Variants in DCC observed in about 807,000 individuals in gnomAD.
The protein encoded by DCC is netrin receptor DCC.
Under a neutral mutation model 172.5 loss-of-function variants are expected in DCC, and 58 were observed. That is an observed-to-expected ratio of 0.34 (90% confidence interval 0.27 to 0.42). The LOEUF is 0.42. DCC is among the 10% of genes least tolerant of loss of function. The pLI is 1.00. For missense variants in DCC, 1,740 were observed against 1,791.0 expected, an observed-to-expected ratio of 0.97 and a Z score of 0.51; for synonymous variants, 709 against 644.5, an observed-to-expected ratio of 1.10 and a Z score of -1.52.
intron 15 of DCC, among the ~76,000 whole-genome samples, chr18:53,351,443 G>A (rs868640659): frequency 8.2e-4 from 26 of 31,872 alleles, no homozygotes; most frequent in South Asian, 9.2e-4. Flanking sequence ...TATATACAGT[G>A]TATATATATA....
At chr18:52,522,642 T>A (rs1351527926) in intron 1 of DCC, among the ~76,000 whole-genome samples, 1 of 152,210 alleles carries the variant, frequency 6.6e-6, no homozygotes, top group Non-Finnish European at 1.5e-5. Context: ...TATCATTGCA[T>A]TGTAATTTTA....
At chr18:52,615,484 C>A (rs2034362638) in intron 1 of DCC, among the ~76,000 whole-genome samples, 1 of 152,144 alleles carries the variant, frequency 6.6e-6, no homozygotes, top group Non-Finnish European at 1.5e-5. Flanking sequence ...TGGCTTTAGG[C>A]AGAACTGATC....
At chr18:53,049,751 G>T (rs1568270310) in intron 5 of DCC, among the ~76,000 whole-genome samples, 1 of 151,998 alleles carries the variant, frequency 6.6e-6, no homozygotes. Context: ...TAGTTTGATA[G>T]AAATAGCATT....
intron 7 of DCC, among the ~76,000 whole-genome samples, chr18:53,072,373 G>A (rs1462358261): frequency 6.6e-6 from 1 of 152,120 alleles, no homozygotes; most frequent in Non-Finnish European, 1.5e-5. Context: ...GCAGGAGATG[G>A]GGAGCAAGGC....
rs2145032217 is a variant in DCC, at chr18:52,700,114, C to G, written c.92-51940C>G. Among the ~76,000 whole-genome samples, 2 of 85,244 alleles carry G rather than the reference C, an allele frequency of 2.3e-5. 1 individual carries two copies. The highest frequency in any genetic ancestry group is 2.1e-4 in the Admixed American group (2 of 9,744). 55.9% of individuals were successfully genotyped at this position (85,244 alleles called of 152,430 possible). ...AAGTTACCATTTTGGAAAATCTCTG[C>G]TCTCTCGTTTGCGCTCTCTCGCTCT... is the stretch of plus-strand genomic sequence containing the variant. On this transcript the variant is annotated intron_variant, in intron 1 of 28. Transcript: ENST00000442544.
intron 17 of DCC, among the ~76,000 whole-genome samples, chr18:53,394,233 T>C (rs1908767824): frequency 1.3e-5 from 2 of 152,148 alleles, no homozygotes; most frequent in African/African-American, 4.8e-5. Flanking sequence ...TTCTCATCTA[T>C]ATGATGGAAA....
At chr18:53,098,433 T>A (rs961117884) in intron 7 of DCC, among the ~76,000 whole-genome samples, 1 of 152,192 alleles carries the variant, frequency 6.6e-6, no homozygotes, top group Non-Finnish European at 1.5e-5. Context: ...CTTTTTCCAT[T>A]TTTCTTTGAC....
chr18:53,279,862 C>T (rs1171983778), intron 12 of DCC, among the ~76,000 whole-genome samples: 3 of 152,020 alleles, frequency 2.0e-5, no homozygotes, highest in Non-Finnish European at 2.9e-5. Flanking sequence ...TATATCCTCA[C>T]TTTGAAAGGT....
chr18:52,493,435 T>C (rs942774591), intron 1 of DCC, among the ~76,000 whole-genome samples: 2 of 152,120 alleles, frequency 1.3e-5, no homozygotes, highest in Non-Finnish European at 1.5e-5. Flanking sequence ...GATTGGCTTA[T>C]ATTCCTGGAA....
intron 1 of DCC, among the ~76,000 whole-genome samples, chr18:52,366,131 T>C (rs1984839800): frequency 6.6e-6 from 1 of 152,210 alleles, no homozygotes; most frequent in South Asian, 2.1e-4. Context: ...ATGTGCTTAA[T>C]CTGTTTATGC....
chr18:52,975,136 A>C (rs1194688480), intron 5 of DCC, among the ~76,000 whole-genome samples: 1 of 152,196 alleles, frequency 6.6e-6, no homozygotes, highest in Non-Finnish European at 1.5e-5. Flanking sequence ...ACAATAGAAC[A>C]TCACAAACTA....
intron 5 of DCC, among the ~76,000 whole-genome samples, chr18:52,943,181 C>T (rs146617595): frequency 6.6e-6 from 1 of 152,276 alleles, no homozygotes; most frequent in East Asian, 1.9e-4. Context: ...AAGCAATTAA[C>T]TTTAGACTGA....
chr18:52,851,799 G>T (rs986015300), intron 2 of DCC, among the ~76,000 whole-genome samples: 3 of 152,088 alleles, frequency 2.0e-5, no homozygotes, highest in Admixed American at 1.3e-4. Flanking sequence ...GATATTGAAA[G>T]AAATGTAAAT....
At chr18:53,157,990 A>G (rs1241567073) in intron 8 of DCC, among the ~76,000 whole-genome samples, 1 of 152,190 alleles carries the variant, frequency 6.6e-6, no homozygotes, top group African/African-American at 2.4e-5. Flanking sequence ...GATTGTTTGT[A>G]ATGCAAAAGA....
intron 8 of DCC, among the ~76,000 whole-genome samples, chr18:53,167,775 C>G (rs537640236): frequency 1.3e-5 from 2 of 152,074 alleles, no homozygotes. Context: ...ACATAATACA[C>G]TAGATGTATA....
In DCC at chr18:53,322,155, A is replaced by T. The variant is rs1051756020; in HGVS notation, c.2162A>T (p.Asp721Val). ...YTAETPENDLDESQVPDQPSS... is the reference protein window; with the variant it reads ...YTAETPENDLVESQVPDQPSS... ...GCAGAGACTCCAGAGAATGATCTAG[A>T]TGGTAAGACTTTTTCCCAGTTACTA... is the stretch of plus-strand genomic sequence containing the variant. The change falls in exon 14 of 29, where the codon GAT becomes GTT. Residue 721 changes from aspartate (D) to valine (V), a missense_variant and splice_region_variant. This residue lies in a region of DCC where 1,732 missense variants were observed against 1,767.4 expected (regional missense o/e 0.98). Coordinates refer to ENST00000442544, the MANE Select transcript of DCC (RefSeq NM_005215.4). 2.1e-6 allele frequency: 3 copies of T among 1,453,190 alleles called. No homozygotes were observed. In the African/African-American group the frequency reaches 4.2e-5, roughly 20 times the overall value. 90.0% of individuals were successfully genotyped at this position (1,453,190 alleles called of 1,614,324 possible). A position where few individuals can be genotyped will look rare whatever the true frequency, so the allele number is the denominator to read the frequency against.
chr18:52,736,084 T>A (rs574270909), intron 1 of DCC, among the ~76,000 whole-genome samples: 2 of 152,160 alleles, frequency 1.3e-5, no homozygotes, highest in East Asian at 3.9e-4. Context: ...AGAAAGGTGA[T>A]CTAGAATTAA....
At chr18:53,183,333 T>C (rs984984344) in intron 9 of DCC, among the ~76,000 whole-genome samples, 1 of 152,152 alleles carries the variant, frequency 6.6e-6, no homozygotes, top group Non-Finnish European at 1.5e-5. Context: ...TGTCCTCTGA[T>C]GGTATCTTCC....
At chr18:53,440,223 G>A (rs1338622871) in intron 22 of DCC, among the ~76,000 whole-genome samples, 1 of 152,132 alleles carries the variant, frequency 6.6e-6, no homozygotes, top group Non-Finnish European at 1.5e-5. Flanking sequence ...TCTGATTAGA[G>A]AAGATAAAAT....
Sources: gnomAD v4.1 joint callset for allele counts (sites outside exome capture counted in the v4.1 genomes callset) on GRCh38, gnomAD v4.1.1 for gene constraint, gnomAD v4.1.1 regional missense constraint, MANE v1.5 for transcripts, NCBI Gene and HGNC (gene_info 2026-07-23, HGNC 2026-07-21) for gene names.